The following EMC2 variants were observed in gnomAD, a reference collection of about 807,000 sequenced individuals.
EMC2 encodes the protein TPR repeat protein 35.
In EMC2, 37 loss-of-function variants were observed where a neutral mutation model predicts 51.6. That is an observed-to-expected ratio of 0.72 (90% CI 0.55 to 0.94). The LOEUF is 0.94. Among genes scored for constraint, EMC2 ranks in the 40% least tolerant of loss-of-function variants. EMC2 has a pLI of 0.00. For missense variants in EMC2, 359 were observed against 350.9 expected (o/e 1.02, Z -0.18); for synonymous variants, 131 against 112.4 (o/e 1.17, Z -1.04).
At chr8:108,466,891 G>A (rs1042587507) in intron 5 of EMC2, among the ~76,000 whole-genome samples, 1 of 152,030 alleles carries the variant, frequency 6.6e-6, no homozygotes, top group Non-Finnish European at 1.5e-5. Context: ...TGGGAGATAA[G>A]CTGCTGGACT....
chr8:108,476,814 C>T lies in EMC2; in HGVS notation c.624C>T (p.Leu208=), dbSNP rs147563717. The change falls in exon 9 of 11, where the codon CTC becomes CTT. Residue 208 remains leucine (L), a synonymous_variant. Transcript: ENST00000220853. ...ATACCCAAGGTGGACTTGAAAACCT[C>T]GAACTTTCAAGAAAGTATTTTGCAC... ...VKYTQGGLEN[L]ELSRKYFAQA... is the part of the protein sequence containing the mutation. 1.1e-5 allele frequency: 18 copies of T among 1,603,602 alleles called. No individual in the cohort carries two copies. Among genetic ancestry groups the T allele is most frequent in the Middle Eastern group, 1.7e-4 (1 of 6,028 alleles).
At chr8:108,453,815 T>C (rs1819089798) in intron 4 of EMC2, among the ~76,000 whole-genome samples, 1 of 152,150 alleles carries the variant, frequency 6.6e-6, no homozygotes, top group Non-Finnish European at 1.5e-5. Flanking sequence ...CAAAGGAGTA[T>C]GGAAGTCTCC....
intron 9 of EMC2, among the ~76,000 whole-genome samples, chr8:108,478,016 C>T (rs940299125): frequency 2.6e-5 from 4 of 151,964 alleles, no homozygotes; most frequent in African/African-American, 4.8e-5. Flanking sequence ...CAGAGTTTTT[C>T]TCGTAACCAC....
rs757682785 is a variant in EMC2 at position 108,486,599 on chromosome 8, G to A, written c.*1G>A. Reference sequence around the variant, plus strand: ...AACATTGCAGATCACCCAGTCTTAAGGTTTCAAAAACTCTTTGACATTAGA... The same window carrying A: ...AACATTGCAGATCACCCAGTCTTAAAGTTTCAAAAACTCTTTGACATTAGA... On this transcript the variant is annotated 3_prime_UTR_variant, in exon 11 of 11. Transcript: ENST00000220853. 2 of 1,592,600 alleles carry A rather than the reference G, an allele frequency of 1.3e-6. No individual in the cohort carries two copies. Among genetic ancestry groups the A allele is most frequent in the Non-Finnish European group, 8.5e-7 (1 of 1,172,144 alleles).
chr8:108,478,295 G>C (rs1241548869), intron 9 of EMC2, among the ~76,000 whole-genome samples: 1 of 151,768 alleles, frequency 6.6e-6, no homozygotes, highest in African/African-American at 2.4e-5. Flanking sequence ...TATGATTTTG[G>C]GGTTTTATGG....
chr8:108,460,145 A>C (rs1184060365), intron 5 of EMC2, among the ~76,000 whole-genome samples: 2 of 152,226 alleles, frequency 1.3e-5, no homozygotes, highest in Non-Finnish European at 2.9e-5. Context: ...ACAACTTCTG[A>C]ATTTTATATT....
chr8:108,449,275 CTTT>C (rs71303983), intron 1 of EMC2, among the ~76,000 whole-genome samples: 15 of 128,896 alleles, frequency 1.2e-4, no homozygotes, highest in Admixed American at 3.0e-4. Flanking sequence ...ACCATGCTGC[CTTT>C]TTTTTTTTTT....
intron 5 of EMC2, among the ~76,000 whole-genome samples, chr8:108,458,549 A>G (rs1263469785): frequency 6.6e-6 from 1 of 152,198 alleles, no homozygotes; most frequent in East Asian, 1.9e-4. Context: ...GGAAGCTGCC[A>G]AGACCTGAGG....
chr8:108,446,494 C>T (rs965063866), intron 1 of EMC2, among the ~76,000 whole-genome samples: 1 of 150,086 alleles, frequency 6.7e-6, no homozygotes, highest in East Asian at 1.9e-4. Flanking sequence ...TGTAAATCTT[C>T]GAAATACTTC....
At chr8:108,470,338 A>G (rs905552333) in intron 7 of EMC2, among the ~76,000 whole-genome samples, 1 of 152,152 alleles carries the variant, frequency 6.6e-6, no homozygotes, top group Non-Finnish European at 1.5e-5. Context: ...TGTTTTGCCA[A>G]ATTGTTTATG....
rs144974043 is a variant in EMC2 at position 108,468,494 on chromosome 8, A to G, written c.364-1332A>G. Among the ~76,000 whole-genome samples the G allele has an allele frequency of 7.3e-4, 111 of 152,136 alleles. 1 individual carries two copies. The East Asian group carries it at 0.013, about 18-fold the overall frequency. ...TTACTCTCAGGATATGCTTAAGGAT[A>G]TATATTATTAAAACATCATTTTTTA... is the stretch of plus-strand genomic sequence containing the variant. On this transcript the variant is annotated intron_variant, in intron 5 of 10. Transcript: ENST00000220853.
intron 5 of EMC2, among the ~76,000 whole-genome samples, chr8:108,466,240 T>C (rs1819460914): frequency 6.6e-6 from 1 of 152,042 alleles, no homozygotes; most frequent in Non-Finnish European, 1.5e-5. Context: ...TGGTAGTAAA[T>C]GGGATTGAGA....
rs932216971 is a variant in EMC2 at position 108,478,938 on chromosome 8, C to T, written c.703-68C>T. On this transcript the variant is annotated intron_variant, in intron 9 of 10. Coordinates refer to ENST00000220853, the MANE Select transcript of EMC2 (RefSeq NM_014673.5). ...TTATTATCCCATTGCAACCATGTCC[C>T]TTATGTTTTTGATTATCTTGACTAG... The T allele has an allele frequency of 4.1e-6, 3 of 736,542 alleles. No homozygotes were observed. In the Admixed American group the frequency reaches 8.6e-5, roughly 21 times the overall value. 45.6% of individuals were successfully genotyped at this position (736,542 alleles called of 1,614,324 possible).
intron 5 of EMC2, among the ~76,000 whole-genome samples, chr8:108,456,355 A>C (rs985184417): frequency 6.6e-6 from 1 of 150,894 alleles, no homozygotes; most frequent in Non-Finnish European, 1.5e-5. Context: ...AAAGAAAAAA[A>C]AAAAAACAAC....
chr8:108,447,162 A>T (rs368965680), intron 1 of EMC2, among the ~76,000 whole-genome samples: 19 of 152,280 alleles, frequency 1.2e-4, no homozygotes, highest in African/African-American at 4.6e-4. Context: ...AAAGGATTCT[A>T]ATGAGTATTG....
chr8:108,479,984 G>A (rs1200154696), intron 10 of EMC2, among the ~76,000 whole-genome samples: 3 of 152,020 alleles, frequency 2.0e-5, no homozygotes, highest in Admixed American at 2.0e-4. Flanking sequence ...GACTTGTCTG[G>A]TTACGCAAAG....
In EMC2 at chr8:108,479,014, T is replaced by A; in HGVS notation, c.711T>A (p.Ser237Arg). 1.9e-6 allele frequency: 3 copies of A among 1,565,632 alleles called. No homozygotes were observed. The highest frequency in any genetic ancestry group is 2.6e-6 in the Non-Finnish European group (3 of 1,156,346). Residue 237 changes from serine (S) to arginine (R), a missense_variant, in exon 10 of 11, where the codon AGT (serine) becomes AGA (arginine). Ser to Arg is a moderately radical substitution (Grantham distance 110). Transcript: ENST00000220853. The stretch of plus-strand genomic sequence containing the variant: ...TTTTTATTTGTTTTTAGTCGGCAAG[T>A]CATATTGCTTCTAATCCAAAAGCAA... ...RALFGLYMSASHIASNPKASA... is the reference protein window; with the variant it reads ...RALFGLYMSARHIASNPKASA...
Position 108,486,665 on chromosome 8 carries a change from T to C in EMC2, c.*67T>C, listed in dbSNP as rs947517632. Reference sequence around the variant, plus strand: ...ATTGAACTTATTGGCCTGTAACTTATTTACTAAATGCTCAGTGCTATTTAT... The same window carrying C: ...ATTGAACTTATTGGCCTGTAACTTACTTACTAAATGCTCAGTGCTATTTAT... On this transcript the variant is annotated 3_prime_UTR_variant, in exon 11 of 11. Transcript: ENST00000220853. 2.1e-6 allele frequency: 3 copies of C among 1,461,790 alleles called. No individual in the cohort carries two copies. Among genetic ancestry groups the C allele is most frequent in the Non-Finnish European group, 2.8e-6 (3 of 1,080,942 alleles). The allele number at this position is 1,461,790 out of a possible 1,614,324, so 90.6% of individuals were successfully genotyped here. A position where few individuals can be genotyped will look rare whatever the true frequency, so the allele number is the denominator to read the frequency against.
intron 1 of EMC2, 130 bp downstream of exon 1, chr8:108,443,828 A>C (rs1214292461): frequency 2.6e-5 from 20 of 755,066 alleles, no homozygotes; most frequent in Non-Finnish European, 4.4e-5. Flanking sequence ...GTACGGGCCA[A>C]GCTGAGGTGG....
Sources: gnomAD v4.1 joint callset for allele counts (sites outside exome capture counted in the v4.1 genomes callset) on GRCh38, gnomAD v4.1.1 for gene constraint, MANE v1.5 for transcripts, NCBI Gene and HGNC (gene_info 2026-07-23, HGNC 2026-07-21) for gene names.